The following OR4A15 variants were observed in gnomAD, a reference collection of about 807,000 sequenced individuals.
OR4A15 encodes the protein olfactory receptor 4A15.
For missense variants in OR4A15, 657 were observed against 374.7 expected, an observed-to-expected ratio of 1.75 and a Z score of -6.22; for synonymous variants, 240 against 135.6, an observed-to-expected ratio of 1.77 and a Z score of -5.35.
exon 1 of OR4A15, chr11:55,368,754 T>C: frequency 6.2e-7 from 1 of 1,613,796 alleles, no homozygotes; most frequent in East Asian, 2.2e-5. Flanking sequence ...AAGGCCCAAT[T>C]CTACTTTTCC....
In OR4A15 at chr11:55,368,596, C is replaced by T. The variant is rs754349561; in HGVS notation, c.623C>T (p.Thr208Ile). Residue 208 changes from threonine (T) to isoleucine (I), a missense_variant, in exon 1 of 1, where the codon ACC becomes ATC. Physicochemically the swap from Thr to Ile is moderately conservative, Grantham distance 89. Coordinates refer to ENST00000641526, the Ensembl canonical transcript of OR4A15. Reference sequence around the variant, plus strand: ...AATGGAGGAGCGATTTGTGCTGTCACCTTCTTCACTATCCTGCTTTCCTAT... The same window carrying T: ...AATGGAGGAGCGATTTGTGCTGTCATCTTCTTCACTATCCTGCTTTCCTAT... 5.6e-6 allele frequency: 9 copies of T among 1,613,556 alleles called. No homozygotes were observed. The East Asian group carries it at 6.7e-5, about 12-fold the overall frequency.
Position 55,368,687 on chromosome 11 carries a change from T to A in OR4A15, c.714T>A (p.Cys238Ter). 1 of 1,613,722 alleles carries A rather than the reference T, an allele frequency of 6.2e-7. No homozygotes were observed. The highest frequency in any genetic ancestry group is 8.5e-7 in the Non-Finnish European group (1 of 1,179,770). Residue 238 changes from cysteine (C) to a stop codon, truncating the protein, a stop_gained, in exon 1 of 1, where the codon TGT becomes TGA. Coordinates refer to ENST00000641526, the Ensembl canonical transcript of OR4A15. LOFTEE classifies it low-confidence loss of function (END_TRUNC). ...GGAAACGAAAAGCTTTCTACACCTG[T>A]GCATCCCACGTCACTGTGGTCATTT...
exon 1 of OR4A15, chr11:55,368,192 T>A: frequency 1.2e-6 from 2 of 1,613,578 alleles, no homozygotes; most frequent in Non-Finnish European, 8.5e-7. Flanking sequence ...TCTATTCTAC[T>A]GCATTTGCTC....
At chr11:55,368,124 C>G (rs370827040) in exon 1 of OR4A15, 2 of 1,612,704 alleles carry the variant, frequency 1.2e-6, no homozygotes, top group Admixed American at 1.7e-5. Flanking sequence ...CATGGCCAGC[C>G]AGTCCCTGGG....
chr11:55,368,749 C>T lies in OR4A15; in HGVS notation c.776C>T (p.Pro259Leu). The T allele has an allele frequency of 3.1e-6, 5 of 1,613,650 alleles. No homozygotes were observed. The South Asian group carries it at 4.4e-5, about 14-fold the overall frequency. Residue 259 changes from proline to leucine, a missense_variant, in exon 1 of 1, where the codon CCC becomes CTC. By Grantham distance (98) the Pro-to-Leu change is moderately conservative. Transcript: ENST00000641526. Reference sequence around the variant, plus strand: ...CCCTGTATCTTCTTGTATGCAAGGCCCAATTCTACTTTTCCCATTGATAAA... The same window carrying T: ...CCCTGTATCTTCTTGTATGCAAGGCTCAATTCTACTTTTCCCATTGATAAA...
At chr11:55,368,569 C>T (rs1238243512) in exon 1 of OR4A15, 7 of 1,613,416 alleles carry the variant, frequency 4.3e-6, no homozygotes, top group South Asian at 3.3e-5. Flanking sequence ...TCTATGATAG[C>T]TAATGGAGGA....
chr11:55,368,629 T>C (rs760960451), exon 1 of OR4A15: 2 of 1,613,772 alleles, frequency 1.2e-6, no homozygotes, highest in Admixed American at 1.7e-5. Flanking sequence ...TATGGGGTCA[T>C]ATTACACTCT....
chr11:55,368,001 T>C (rs1853872060), exon 1 of OR4A15: 1 of 1,613,332 alleles, frequency 6.2e-7, no homozygotes, highest in Admixed American at 1.7e-5. Context: ...TGTGACTGAA[T>C]TTATCCTCTT....
At chr11:55,368,416 T>G in exon 1 of OR4A15, 1 of 1,613,494 alleles carries the variant, frequency 6.2e-7, no homozygotes, top group Non-Finnish European at 8.5e-7. Context: ...GCGGCCTGGA[T>G]TGGAGGCTTT....
chr11:55,368,144 G>T lies in OR4A15; in HGVS notation c.171G>T (p.Met57Ile), dbSNP rs747952549. ...CCAGCCAGTCCCTGGGTTCCCCCATGTACTTTTTTCTGGCTTCTTTATCAT... is the reference window on the plus strand; with the variant it reads ...CCAGCCAGTCCCTGGGTTCCCCCATTTACTTTTTTCTGGCTTCTTTATCAT... The change falls in exon 1 of 1, where the codon ATG becomes ATT. Residue 57 changes from methionine (M) to isoleucine (I), a missense_variant. Transcript: ENST00000641526. 11 of 1,612,788 alleles carry T rather than the reference G, an allele frequency of 6.8e-6. No homozygotes were observed. The highest frequency in any genetic ancestry group is 1.9e-4 in the Middle Eastern group (1 of 5,210).
exon 1 of OR4A15, chr11:55,368,244 T>A (rs750375395): frequency 1.2e-6 from 2 of 1,613,906 alleles, no homozygotes; most frequent in Middle Eastern, 1.7e-4. Context: ...AAAGACCATT[T>A]CCTTTCAGGG....
exon 1 of OR4A15, chr11:55,368,799 A>G: frequency 6.2e-7 from 1 of 1,613,560 alleles, no homozygotes; most frequent in Non-Finnish European, 8.5e-7. Context: ...TCTAACTTTT[A>G]TAACTCCCAT....
In OR4A15 at chr11:55,368,075, G is replaced by T. The variant is rs1358347264; in HGVS notation, c.102G>T (p.Met34Ile). 1 of 1,613,256 alleles carries T rather than the reference G, an allele frequency of 6.2e-7. No homozygotes were observed. The highest frequency in any genetic ancestry group is 8.5e-7 in the Non-Finnish European group (1 of 1,179,850). The change falls in exon 1 of 1, where the codon ATG becomes ATT. Residue 34 changes from methionine to isoleucine, a missense_variant. Physicochemically the swap from Met to Ile is conservative, Grantham distance 10. Coordinates refer to ENST00000641526, the Ensembl canonical transcript of OR4A15. The stretch of plus-strand genomic sequence containing the variant: ...TTGTCACATTCTTACTAATCTACAT[G>T]GTGACGATAATGGGCAACCTGCTTA...
chr11:55,368,862 A>G (rs761606475), exon 1 of OR4A15: 1 of 1,611,346 alleles, frequency 6.2e-7, no homozygotes, highest in Non-Finnish European at 8.5e-7. Context: ...AAGTGCCATG[A>G]GGAAACTTTG....
At chr11:55,367,988 C>A (rs534202398) in exon 1 of OR4A15, 15 of 1,613,292 alleles carry the variant, frequency 9.3e-6, no homozygotes, top group African/African-American at 4.0e-5. Flanking sequence ...AAAATAAGAA[C>A]AATGTGACTG....
At chr11:55,368,896 G>A (rs1435373545) in exon 1 of OR4A15, 4 of 1,603,674 alleles carry the variant, frequency 2.5e-6, no homozygotes, top group South Asian at 1.1e-5. Flanking sequence ...AGCTTAGCTG[G>A]GAAATGGCTG....
At position 55,368,380 on chromosome 11, in the gene OR4A15, G is replaced by T. The variant is rs138616202; in HGVS notation, c.407G>T (p.Arg136Leu). The T allele has an allele frequency of 7.1e-5, 114 of 1,613,250 alleles. No homozygotes were observed. Among genetic ancestry groups the T allele is most frequent in the Non-Finnish European group, 9.1e-5 (107 of 1,179,466 alleles). ...CTTCATGAATTGATCACCATGAATC[G>T]TCGAGTCTGTGTTCTTATGCTGTTG... Residue 136 changes from arginine (R) to leucine (L), a missense_variant, in exon 1 of 1, where the codon CGT becomes CTT. Physicochemically the swap from Arg to Leu is moderately radical, Grantham distance 102. Transcript: ENST00000641526.
At chr11:55,368,288 T>A (rs761451989) in exon 1 of OR4A15, 1 of 1,613,940 alleles carries the variant, frequency 6.2e-7, no homozygotes, top group Non-Finnish European at 8.5e-7. Context: ...ATCATTTATT[T>A]GCTGGTGCTG....
exon 1 of OR4A15, chr11:55,368,866 A>C (rs1853897014): frequency 6.2e-7 from 1 of 1,610,440 alleles, no homozygotes; most frequent in Admixed American, 1.7e-5. Context: ...GCCATGAGGA[A>C]ACTTTGGAGT....
Sources: gnomAD v4.1 joint callset for allele counts on GRCh38, gnomAD v4.1.1 for gene constraint, MANE v1.5 for transcripts, NCBI Gene and HGNC (gene_info 2026-07-23, HGNC 2026-07-21) for gene names.